Variants in CACNG5 observed in about 807,000 individuals in gnomAD.
CACNG5 encodes voltage-dependent calcium channel gamma-5 subunit.
In CACNG5, 18 loss-of-function variants were observed where a neutral mutation model predicts 24.8. The observed-to-expected ratio is 0.73, with a 90% confidence interval of 0.50 to 1.08. The LOEUF (loss-of-function observed/expected upper bound fraction) is 1.08. Ranked by LOEUF, CACNG5 falls within the 50% of genes least tolerant of loss-of-function variation. The probability of loss-of-function intolerance (pLI) is 0.00; values close to 1 mark genes in which losing one functional copy is unlikely to be tolerated. For synonymous variants in CACNG5, 157 were observed against 149.1 expected (o/e 1.05, Z -0.39); for missense variants, 349 against 367.9 (o/e 0.95, Z 0.42).
At chr17:66,840,815 G>A (rs1303200491) in intron 1 of CACNG5, among the ~76,000 whole-genome samples, 5 of 152,150 alleles carry the variant, frequency 3.3e-5, no homozygotes, top group South Asian at 2.1e-4. Flanking sequence ...CGGGCACACC[G>A]GTGTGTTGCT....
chr17:66,862,892 C>CTCTCTCTGTGTGTGTGTG (rs567913804), intron 1 of CACNG5, among the ~76,000 whole-genome samples: 12 of 142,260 alleles, frequency 8.4e-5, no homozygotes, highest in African/African-American at 2.7e-4. Flanking sequence ...AGCATATTCT[C>CTCTCTCTGTGTGTGTGTG]TGTGTGTGTG....
intron 1 of CACNG5, among the ~76,000 whole-genome samples, chr17:66,847,765 A>G (rs914717054): frequency 6.6e-6 from 1 of 152,124 alleles, no homozygotes; most frequent in African/African-American, 2.4e-5. Flanking sequence ...CAAAATAGGT[A>G]TCTCTTCCCA....
At position 66,892,995 on chromosome 17, in the gene CACNG5, C is replaced by A. The variant is rs1431784389; in HGVS notation, c.*7755C>A. On this transcript the variant is annotated 3_prime_UTR_variant, in exon 6 of 6. Transcript: ENST00000533854. ...AGGTCATCACCAACATCATGACCACCAACATGCATCTAAAGTCCTTATCAG... is the reference window on the plus strand; with the variant it reads ...AGGTCATCACCAACATCATGACCACAAACATGCATCTAAAGTCCTTATCAG... Among the ~76,000 whole-genome samples the A allele has an allele frequency of 6.6e-6, 1 of 152,198 alleles. No homozygotes were observed. The highest frequency in any genetic ancestry group is 1.5e-5 in the Non-Finnish European group (1 of 68,030).
chr17:66,865,977 C>T (rs531640257), intron 1 of CACNG5, among the ~76,000 whole-genome samples: 10 of 152,072 alleles, frequency 6.6e-5, no homozygotes, highest in African/African-American at 1.9e-4. Context: ...TAAAACAATT[C>T]GTATTGTTTA....
intron 1 of CACNG5, among the ~76,000 whole-genome samples, chr17:66,871,259 A>C (rs560162121): frequency 6.6e-6 from 1 of 152,316 alleles, no homozygotes; most frequent in Admixed American, 6.5e-5. Flanking sequence ...ACAAGCTCCC[A>C]GGAGCAGCTC....
intron 1 of CACNG5, among the ~76,000 whole-genome samples, chr17:66,865,968 A>G (rs760878041): frequency 2.0e-5 from 3 of 152,052 alleles, no homozygotes; most frequent in Non-Finnish European, 4.4e-5. Context: ...TAAGAATGCT[A>G]AAACAATTCG....
In CACNG5 at chr17:66,847,550, C is replaced by G. The variant is rs939294614; in HGVS notation, c.-104+12300C>G. ...AGAACGGCACGGGGAAAAACCCACC[C>G]CCATGACTCAACTACCTCCCCCTGG... On this transcript the variant is annotated intron_variant, in intron 1 of 5. Transcript: ENST00000533854. Among the ~76,000 whole-genome samples, 5 of 117,158 alleles carry G rather than the reference C, an allele frequency of 4.3e-5. No individual in the cohort carries two copies. In the Admixed American group the frequency reaches 4.7e-4, roughly 11 times the overall value. 76.9% of individuals were successfully genotyped at this position (117,158 alleles called of 152,430 possible).
chr17:66,841,677 C>T (rs1221408717), intron 1 of CACNG5, among the ~76,000 whole-genome samples: 1 of 152,174 alleles, frequency 6.6e-6, no homozygotes, highest in Non-Finnish European at 1.5e-5. Context: ...CAACAGGAGA[C>T]CGGGGTTTGA....
intron 1 of CACNG5, among the ~76,000 whole-genome samples, chr17:66,852,299 T>C (rs1015892212): frequency 1.3e-5 from 2 of 152,202 alleles, no homozygotes; most frequent in African/African-American, 4.8e-5. Flanking sequence ...AGTGCTGTTA[T>C]ACCTGAGTCC....
At chr17:66,841,769 T>A (rs1976572851) in intron 1 of CACNG5, among the ~76,000 whole-genome samples, 1 of 152,172 alleles carries the variant, frequency 6.6e-6, no homozygotes, top group Admixed American at 6.5e-5. Flanking sequence ...AAGGACGGGG[T>A]GGGAGAGGAT....
chr17:66,846,525 T>C (rs1014407440), intron 1 of CACNG5, among the ~76,000 whole-genome samples: 2 of 152,214 alleles, frequency 1.3e-5, no homozygotes, highest in Non-Finnish European at 2.9e-5. Context: ...CTTCACATAA[T>C]GTTTTCAAGG....
intron 1 of CACNG5, among the ~76,000 whole-genome samples, chr17:66,871,413 C>A (rs73994656): frequency 0.011 from 1,616 of 152,294 alleles, 21 homozygotes; most frequent in African/African-American, 0.037. Context: ...CTCCTTCTCT[C>A]CAATTAAACC....
In CACNG5 at chr17:66,891,365, C is replaced by T. The variant is rs112839155; in HGVS notation, c.*6125C>T. Among the ~76,000 whole-genome samples the T allele has an allele frequency of 1.1e-3, 172 of 152,260 alleles. 1 individual carries two copies. The highest frequency in any genetic ancestry group is 4.0e-3 in the African/African-American group (166 of 41,538). ...ATCATATCATGATTATTTCTGACAG[C>T]TTTAGGGGTTGGCTGGGCTCAGCAA... On this transcript the variant is annotated 3_prime_UTR_variant, in exon 6 of 6. Coordinates refer to ENST00000533854, the MANE Select transcript of CACNG5 (RefSeq NM_145811.3).
At chr17:66,860,994 C>A (rs1211210577) in intron 1 of CACNG5, among the ~76,000 whole-genome samples, 2 of 151,494 alleles carry the variant, frequency 1.3e-5, no homozygotes, top group African/African-American at 4.8e-5. Context: ...ATATATAATA[C>A]ATAAGCATTT....
chr17:66,845,467 A>AC (rs1022771873), intron 1 of CACNG5, among the ~76,000 whole-genome samples: 4 of 151,608 alleles, frequency 2.6e-5, no homozygotes, highest in Admixed American at 6.6e-5. Context: ...AATTTAAAAA[A>AC]AAAAAACAAA....
At chr17:66,848,871 C>T (rs556981657) in intron 1 of CACNG5, among the ~76,000 whole-genome samples, 20 of 152,250 alleles carry the variant, frequency 1.3e-4, no homozygotes, top group Middle Eastern at 3.4e-3. Flanking sequence ...TTGGCTCCTT[C>T]GAGTAAGCCT....
At chr17:66,838,957 A>ATTTTTTTTTTTTTT (rs1435457390) in intron 1 of CACNG5, among the ~76,000 whole-genome samples, 14 of 61,464 alleles carry the variant, frequency 2.3e-4, no homozygotes, top group Non-Finnish European at 3.6e-4. Flanking sequence ...TCCCTCACCC[A>ATTTTTTTTTTTTTT]TTCTTTTTTT....
At position 66,888,386 on chromosome 17, in the gene CACNG5, T is replaced by C. The variant is rs1004502193; in HGVS notation, c.*3146T>C. Among the ~76,000 whole-genome samples the C allele has an allele frequency of 6.6e-6, 1 of 150,746 alleles. No homozygotes were observed. Among genetic ancestry groups the C allele is most frequent in the African/African-American group, 2.4e-5 (1 of 41,052 alleles). ...GGTGAAACCCTGTCTCTACTAAAAA[T>C]ACAAAAAATTAGCTGGGCGTGGTGG... On this transcript the variant is annotated 3_prime_UTR_variant, in exon 6 of 6. Coordinates refer to ENST00000533854, the MANE Select transcript of CACNG5 (RefSeq NM_145811.3).
intron 5 of CACNG5, 136 bp from the exon 6 acceptor site, chr17:66,884,847 G>C (rs1977228704): frequency 6.2e-7 from 1 of 1,613,270 alleles, no homozygotes; most frequent in African/African-American, 1.3e-5. Flanking sequence ...CTCCGGCCAG[G>C]ATGTCCCCAG....
Sources: allele counts gnomAD v4.1 joint callset (sites outside exome capture counted in the v4.1 genomes callset), GRCh38; gene constraint gnomAD v4.1.1; transcripts MANE v1.5; gene names NCBI Gene and HGNC (gene_info 2026-07-23, HGNC 2026-07-21).